BLTP2: variants seen among roughly 807,000 people sequenced by gnomAD.
BLTP2 encodes the protein U937-associated antigen.
At chr17:28,635,192 T>C in the BLTP2 span, 13 of 1,613,502 alleles carry the variant, frequency 8.1e-6, no homozygotes, top group Non-Finnish European at 9.3e-6. Context: ...TGGAGGATCA[T>C]CTCTTCCAGC....
the BLTP2 span, chr17:28,620,017 T>C: frequency 6.2e-7 from 1 of 1,609,074 alleles, no homozygotes; most frequent in Non-Finnish European, 8.5e-7. Flanking sequence ...ACTATGTTCC[T>C]AAAGGAATGG....
At chr17:28,636,859 G>A in the BLTP2 span, 8 of 908,202 alleles carry the variant, frequency 8.8e-6, no homozygotes, top group South Asian at 1.5e-5. Context: ...GGCAACATGT[G>A]ACACTCTGTT....
the BLTP2 span, chr17:28,644,973 G>C: frequency 3.2e-6 from 5 of 1,564,800 alleles, no homozygotes; most frequent in Admixed American, 5.8e-5. Flanking sequence ...CCGCCGGCGC[G>C]GCCGGGAACC....
chr17:28,641,065 T>G, the BLTP2 span, among the ~76,000 whole-genome samples: 1 of 152,228 alleles, frequency 6.6e-6, no homozygotes, highest in African/African-American at 2.4e-5. Flanking sequence ...CAGTCATCCT[T>G]TGGTATCCTT....
At chr17:28,637,815 T>C in the BLTP2 span, 3 of 1,608,948 alleles carry the variant, frequency 1.9e-6, no homozygotes, top group Non-Finnish European at 2.5e-6. Context: ...CACTTCAGTA[T>C]AGACTCCTTG....
chr17:28,644,077 T>C, the BLTP2 span: 2 of 1,614,228 alleles, frequency 1.2e-6, no homozygotes, highest in East Asian at 2.2e-5. Context: ...CTGGTGTTGC[T>C]GAAACTTAAG....
chr17:28,642,072 T>C, the BLTP2 span: 14 of 1,613,640 alleles, frequency 8.7e-6, no homozygotes, highest in Non-Finnish European at 1.0e-5. Context: ...ACTAGGCAGG[T>C]GTCCTCCTGT....
the BLTP2 span, chr17:28,623,735 G>C: frequency 6.3e-7 from 1 of 1,593,358 alleles, no homozygotes; most frequent in Non-Finnish European, 8.6e-7. Context: ...GAATATAATG[G>C]GCCTTCACAA....
At chr17:28,622,133 C>A in the BLTP2 span, among the ~76,000 whole-genome samples, 19 of 152,234 alleles carry the variant, frequency 1.2e-4, no homozygotes, top group Admixed American at 1.2e-3. Context: ...AGAAGGCATG[C>A]CTAAAAGCAG....
the BLTP2 span, chr17:28,645,137 G>T: frequency 8.2e-7 from 1 of 1,212,586 alleles, no homozygotes. Flanking sequence ...CACCGCCGCG[G>T]GCCGACCAGC....
the BLTP2 span, chr17:28,643,168 CAGA>C: frequency 1.2e-6 from 2 of 1,614,190 alleles, no homozygotes; most frequent in Non-Finnish European, 1.7e-6. Context: ...TCTCACTTGG[CAGA>C]AGATCTTCAA....
At chr17:28,635,818 C>G in the BLTP2 span, 1 of 519,118 alleles carries the variant, frequency 1.9e-6, no homozygotes, top group Non-Finnish European at 3.4e-6. Context: ...TTTAAGAGCA[C>G]TTATACTTTT....
At chr17:28,638,533 T>G in the BLTP2 span, 9 of 1,609,050 alleles carry the variant, frequency 5.6e-6, no homozygotes, top group East Asian at 6.7e-5. Context: ...CCCAGAGAGA[T>G]AGAATTGAAT....
the BLTP2 span, chr17:28,632,839 T>TCTCCC: frequency 2.3e-6 from 2 of 855,230 alleles, no homozygotes; most frequent in African/African-American, 1.7e-5. Context: ...CCCTTGCCCT[T>TCTCCC]CTCCCCTCCC....
At chr17:28,618,664 A>C in the BLTP2 span, 1 of 706,504 alleles carries the variant, frequency 1.4e-6, no homozygotes, top group Non-Finnish European at 2.3e-6. Context: ...GTTAATATTA[A>C]TGATACTATC....
At chr17:28,633,188 T>C in the BLTP2 span, 4 of 1,591,364 alleles carry the variant, frequency 2.5e-6, no homozygotes, top group Non-Finnish European at 3.4e-6. Flanking sequence ...ACCCCAGCCC[T>C]CAGTGCCCTG....
the BLTP2 span, chr17:28,615,207 A>G: frequency 6.2e-7 from 1 of 1,613,878 alleles, no homozygotes; most frequent in Non-Finnish European, 8.5e-7. Flanking sequence ...CGGACCTCAG[A>G]GCCTGTTGCA....
the BLTP2 span, chr17:28,637,783 T>A: frequency 6.4e-7 from 1 of 1,561,816 alleles, no homozygotes; most frequent in Admixed American, 1.7e-5. Context: ...GTGATTCTCC[T>A]GCCTCAGTCT....
the BLTP2 span, chr17:28,635,324 C>T: frequency 6.2e-7 from 1 of 1,614,230 alleles, no homozygotes; most frequent in Non-Finnish European, 8.5e-7. Flanking sequence ...GACACACTCT[C>T]TGCAGCCAGG....
Sources: gnomAD v4.1 joint callset for allele counts (sites outside exome capture counted in the v4.1 genomes callset) on GRCh38, gnomAD v4.1.1 for gene constraint, MANE v1.5 for transcripts, NCBI Gene and HGNC (gene_info 2026-07-23, HGNC 2026-07-21) for gene names.